MGMT: variants seen among roughly 807,000 people sequenced by gnomAD.
MGMT encodes the protein O-6-methylguanine-DNA methyltransferase, also known as methylated-DNA--protein-cysteine methyltransferase.
In MGMT, 14 loss-of-function variants were observed where a neutral mutation model predicts 15.9. The ratio of observed to expected loss-of-function variants is 0.88; its 90% CI spans 0.58 to 1.37. The LOEUF (loss-of-function observed/expected upper bound fraction) is 1.37. MGMT is among the 40% of genes most tolerant of loss of function. MGMT has a pLI of 0.00. For synonymous variants in MGMT, 130 were observed against 118.2 expected (o/e 1.10, Z -0.65); for missense variants, 282 against 268.1 (o/e 1.05, Z -0.36).
At chr10:129,621,930 G>C (rs1330209877) in intron 2 of MGMT, among the ~76,000 whole-genome samples, 1 of 152,122 alleles carries the variant, frequency 6.6e-6, no homozygotes, top group African/African-American at 2.4e-5. Flanking sequence ...GAAGACAGAA[G>C]GTAATATAGA....
chr10:129,688,778 C>T (rs1474389375), intron 2 of MGMT, among the ~76,000 whole-genome samples: 1 of 152,232 alleles, frequency 6.6e-6, no homozygotes, highest in African/African-American at 2.4e-5. Flanking sequence ...TAAAGAACAA[C>T]GTTTTTATTC....
chr10:129,733,984 C>G (rs1848532073), intron 3 of MGMT, among the ~76,000 whole-genome samples: 1 of 150,972 alleles, frequency 6.6e-6, no homozygotes, highest in Non-Finnish European at 1.5e-5. Context: ...AGTTTGAAGT[C>G]AGGTAGTGTG....
At chr10:129,640,097 C>CTTT (rs539701974) in intron 2 of MGMT, among the ~76,000 whole-genome samples, 10 of 139,484 alleles carry the variant, frequency 7.2e-5, no homozygotes, top group Non-Finnish European at 1.6e-4. Context: ...AAATGAATAA[C>CTTT]TTTTTTTTTT....
rs577503883 is a variant in MGMT, at chr10:129,655,592, C to T, written c.126-52303C>T. ...TGTGCATGTTCGTGTGTGACTCGCC[C>T]GGCTGAGGGACTGGCATAAACAAAC... On this transcript the variant is annotated intron_variant, in intron 2 of 4. Transcript: ENST00000651593. Among the ~76,000 whole-genome samples the T allele has an allele frequency of 4.6e-5, 7 of 152,216 alleles. No individual in the cohort carries two copies. In the South Asian group the frequency reaches 1.2e-3, roughly 27 times the overall value.
chr10:129,597,543 T>C (rs1390672279), intron 2 of MGMT, among the ~76,000 whole-genome samples: 1 of 152,200 alleles, frequency 6.6e-6, no homozygotes, highest in East Asian at 1.9e-4. Flanking sequence ...GAAATATGTA[T>C]GAAATTTGGC....
intron 2 of MGMT, among the ~76,000 whole-genome samples, chr10:129,549,529 A>G (rs940133036): frequency 6.6e-6 from 1 of 152,220 alleles, no homozygotes; most frequent in Non-Finnish European, 1.5e-5. Context: ...ATCTGCATCT[A>G]TTATTACAAA....
intron 2 of MGMT, among the ~76,000 whole-genome samples, chr10:129,675,129 C>T (rs974515604): frequency 3.3e-5 from 5 of 152,152 alleles, no homozygotes; most frequent in African/African-American, 9.7e-5. Context: ...GTGTGCTTGC[C>T]GTGCAAAGCA....
At chr10:129,542,176 G>A (rs370192486) in intron 2 of MGMT, among the ~76,000 whole-genome samples, 2 of 152,130 alleles carry the variant, frequency 1.3e-5, no homozygotes, top group Admixed American at 1.3e-4. Flanking sequence ...GGTGACCTGC[G>A]TTTTGCCTCT....
rs536625990 is a variant in MGMT at position 129,601,160 on chromosome 10, C to T, written c.125+64783C>T. Among the ~76,000 whole-genome samples the T allele has an allele frequency of 2.4e-3, 367 of 151,862 alleles. 1 individual carries two copies. Among genetic ancestry groups the T allele is most frequent in the African/African-American group, 8.4e-3 (349 of 41,402 alleles). ...TTGGGAAGAGGCGTCAACATTTGAA[C>T]CGCAAATGATTAAACCTTTATGACT... On this transcript the variant is annotated intron_variant, in intron 2 of 4. Transcript: ENST00000651593.
At chr10:129,706,774 T>C (rs1304683239) in intron 2 of MGMT, among the ~76,000 whole-genome samples, 1 of 152,126 alleles carries the variant, frequency 6.6e-6, no homozygotes, top group Admixed American at 6.5e-5. Context: ...TTCAGGGCCA[T>C]GTCCTCAGTC....
intron 3 of MGMT, among the ~76,000 whole-genome samples, chr10:129,751,888 T>C (rs1245743612): frequency 1.3e-5 from 2 of 152,056 alleles, no homozygotes; most frequent in Non-Finnish European, 2.9e-5. Flanking sequence ...ATGATTGCAG[T>C]CATTTTGCAT....
rs116015610 is a variant in MGMT, at chr10:129,672,954, C to T, written c.126-34941C>T. On this transcript the variant is annotated intron_variant, in intron 2 of 4. Coordinates refer to ENST00000651593, the MANE Select transcript of MGMT (RefSeq NM_002412.5). ...CTTCCTCTAGCAGTGCTTGGGGCAC[C>T]GGCAGTGTGGGATCAGCTCATTCTA... 4.3e-3 allele frequency among the ~76,000 whole-genome samples: 649 copies of T among 152,232 alleles called. 1 individual carries two copies. The highest frequency in any genetic ancestry group is 0.014 in the African/African-American group (598 of 41,532).
rs573313435 is a variant in MGMT, at chr10:129,516,134, G to A, written c.-12-20107G>A. On this transcript the variant is annotated intron_variant, in intron 1 of 4. Coordinates refer to ENST00000651593, the MANE Select transcript of MGMT (RefSeq NM_002412.5). ...TCTTTAAATATTTTATTGTAAGTTC[G>A]TCTCTTCCCAGCCCCTCTTGCTATT... Among the ~76,000 whole-genome samples, 41 of 152,238 alleles carry A rather than the reference G, an allele frequency of 2.7e-4. No homozygotes were observed. In the South Asian group the frequency reaches 8.3e-3, roughly 31 times the overall value.
intron 3 of MGMT, among the ~76,000 whole-genome samples, chr10:129,741,325 A>G (rs1848630126): frequency 6.6e-6 from 1 of 152,160 alleles, no homozygotes. Context: ...AACTCTCCCT[A>G]AAAGGTTACA....
chr10:129,759,947 TG>T (rs1291023955), intron 4 of MGMT, among the ~76,000 whole-genome samples: 3 of 152,188 alleles, frequency 2.0e-5, no homozygotes, highest in Non-Finnish European at 2.9e-5. Flanking sequence ...TCACCAGGGA[TG>T]GCGCCCTCCC....
At chr10:129,508,508 TTTTC>T (rs1455864542) in intron 1 of MGMT, among the ~76,000 whole-genome samples, 1 of 146,466 alleles carries the variant, frequency 6.8e-6, no homozygotes, top group Non-Finnish European at 1.5e-5. Context: ...CAGATTTAAT[TTTTC>T]TTTCTTTCTT....
At chr10:129,688,816 G>A (rs1353999922) in intron 2 of MGMT, among the ~76,000 whole-genome samples, 4 of 152,118 alleles carry the variant, frequency 2.6e-5, no homozygotes, top group Admixed American at 6.5e-5. Context: ...AACCCAGCAC[G>A]CCTCTATCCT....
chr10:129,746,978 A>T (rs1218722035), intron 3 of MGMT, among the ~76,000 whole-genome samples: 1 of 152,206 alleles, frequency 6.6e-6, no homozygotes, highest in Non-Finnish European at 1.5e-5. Context: ...ATGTCTCCTC[A>T]GTTATTCAGA....
At chr10:129,628,980 T>C (rs2133081206) in intron 2 of MGMT, among the ~76,000 whole-genome samples, 1 of 152,216 alleles carries the variant, frequency 6.6e-6, no homozygotes, top group Admixed American at 6.5e-5. Context: ...CCAGCGCCAC[T>C]CCCGGGGGAA....
Sources: allele counts gnomAD v4.1 joint callset (sites outside exome capture counted in the v4.1 genomes callset), GRCh38; gene constraint gnomAD v4.1.1; transcripts MANE v1.5; gene names NCBI Gene and HGNC (gene_info 2026-07-23, HGNC 2026-07-21).